The following FRMD8 variants were observed in gnomAD, a reference collection of about 807,000 sequenced individuals.
The protein encoded by FRMD8 is FERM domain-containing protein 8.
FRMD8 carries 37 observed loss-of-function variants against 54.2 expected under a neutral mutation model. The ratio of observed to expected loss-of-function variants is 0.68; its 90% CI spans 0.53 to 0.90. The LOEUF is 0.90. Ranked by LOEUF, FRMD8 falls within the 40% of genes least tolerant of loss-of-function variation. FRMD8 has a pLI of 0.00. For synonymous variants in FRMD8, 246 were observed against 286.9 expected (o/e 0.86, Z 1.44); for missense variants, 585 against 653.7 (o/e 0.89, Z 1.15).
chr11:65,379,432 G>A, the FRMD8 span: 1 of 1,613,392 alleles, frequency 6.2e-7, no homozygotes, highest in Non-Finnish European at 8.5e-7. Flanking sequence ...CTGGGCGGCT[G>A]GGCCCGCCGC....
chr11:65,401,824 C>CTTTT (rs61275056), intron 9 of FRMD8, among the ~76,000 whole-genome samples: 2 of 119,756 alleles, frequency 1.7e-5, no homozygotes, highest in Admixed American at 8.3e-5. Flanking sequence ...TCACAATTTT[C>CTTTT]TTTTTTTTTT....
chr11:65,393,346 C>T (rs1565599868), intron 3 of FRMD8, among the ~76,000 whole-genome samples: 1 of 152,242 alleles, frequency 6.6e-6, no homozygotes, highest in Non-Finnish European at 1.5e-5. Flanking sequence ...AGACCCCCGT[C>T]GCTTGCTGTG....
upstream of FRMD8, among the ~76,000 whole-genome samples, chr11:65,384,869 C>T (rs1445875740): frequency 1.3e-5 from 2 of 152,156 alleles, no homozygotes; most frequent in South Asian, 2.1e-4. Context: ...TGTGCCACCA[C>T]ACCTGGCTAA....
rs139960411 is a variant in FRMD8 at position 65,399,761 on chromosome 11, G to C, written c.829G>C (p.Asp277His). 176 of 1,614,090 alleles carry C rather than the reference G, an allele frequency of 1.1e-4. No homozygotes were observed. The African/African-American group carries it at 1.8e-3, about 17-fold the overall frequency. The change falls in exon 8 of 11, where the codon GAC becomes CAC. Residue 277 changes from aspartate (D) to histidine (H), a missense_variant. Asp to His is a moderately conservative substitution (Grantham distance 81, BLOSUM62 -1). Transcript: ENST00000317568. ...YGCAFFHGEV[D>H]KPAQGFLHRG... ...GTGTGCCTTCTTCCACGGTGAGGTT[G>C]ACAAGCCGGCCCAAGGCTTTTTGCA... is the stretch of plus-strand genomic sequence containing the variant.
upstream of FRMD8, among the ~76,000 whole-genome samples, chr11:65,385,814 T>C (rs1368849059): frequency 1.3e-5 from 2 of 151,038 alleles, no homozygotes; most frequent in Non-Finnish European, 2.9e-5. Context: ...TTTTTTTTTT[T>C]CAGACGGAGT....
chr11:65,368,422 G>T, the FRMD8 span, among the ~76,000 whole-genome samples: 1 of 151,852 alleles, frequency 6.6e-6, no homozygotes, highest in African/African-American at 2.4e-5. Flanking sequence ...TGTTTTCCAG[G>T]CTGGTCTCAA....
Position 65,411,525 on chromosome 11 carries a change from T to C in FRMD8, c.*165T>C, listed in dbSNP as rs577987983. On this transcript the variant is annotated 3_prime_UTR_variant, in exon 11 of 11. Transcript: ENST00000317568. ...GAAGTGACTTTTGGGCCCGGGGCCA[T>C]GCCCGGGCTGTGCAAAGCTGGCCAG... is the stretch of plus-strand genomic sequence containing the variant. 3 of 518,096 alleles carry C rather than the reference T, an allele frequency of 5.8e-6. No homozygotes were observed. Among genetic ancestry groups the C allele is most frequent in the African/African-American group, 3.9e-5 (2 of 51,062 alleles). The allele number at this position is 518,096 out of a possible 1,614,324, so 32.1% of individuals were successfully genotyped here.
rs373759021 is a variant in FRMD8, at chr11:65,405,111, C to T, written c.1276+43C>T. 2.1e-5 allele frequency: 33 copies of T among 1,568,872 alleles called. No homozygotes were observed. In the East Asian group the frequency reaches 2.5e-4, roughly 12 times the overall value. ...GCATGTGCACACACAAACACGCATG[C>T]GCGTGCACACACCGGGGGGAGTTCC... On this transcript the variant is annotated intron_variant, in intron 10 of 10. Coordinates refer to ENST00000317568, the MANE Select transcript of FRMD8 (RefSeq NM_031904.5).
chr11:65,380,694 C>T, the FRMD8 span: 1 of 917,132 alleles, frequency 1.1e-6, no homozygotes, highest in Non-Finnish European at 1.5e-6. Context: ...CACCTGCCCA[C>T]TGCCTAGCCC....
At position 65,404,949 on chromosome 11, in the gene FRMD8, G is replaced by A; in HGVS notation, c.1157G>A (p.Gly386Asp). ...EPAGPQDSAT[G>D]SPSDPSSSLA... ...GCAGGCCCCCAGGACAGTGCGACTGGCTCGCCCTCGGACCCCAGCTCCTCA... is the reference window on the plus strand; with the variant it reads ...GCAGGCCCCCAGGACAGTGCGACTGACTCGCCCTCGGACCCCAGCTCCTCA... Residue 386 changes from glycine (G) to aspartate (D), a missense_variant, in exon 10 of 11, where the codon GGC becomes GAC. Transcript: ENST00000317568. The surrounding 1 kb of genome is among the most constrained non-coding windows in gnomAD (Gnocchi z 4.7). 6.2e-7 allele frequency: 1 copy of A among 1,613,148 alleles called. No individual in the cohort carries two copies. The highest frequency in any genetic ancestry group is 8.5e-7 in the Non-Finnish European group (1 of 1,180,024).
At position 65,413,096 on chromosome 11, in the gene FRMD8, C is replaced by G. The variant is rs1395869516; in HGVS notation, c.*1736C>G. Reference sequence around the variant, plus strand: ...ACTGCAACCTCTGTCTCAAGCGATTCTCCTGCCTCAGCCTCCTGAGTAGCT... The same window carrying G: ...ACTGCAACCTCTGTCTCAAGCGATTGTCCTGCCTCAGCCTCCTGAGTAGCT... On this transcript the variant is annotated 3_prime_UTR_variant, in exon 11 of 11. Transcript: ENST00000317568. 1.3e-5 allele frequency: 2 copies of G among 152,260 alleles called. No homozygotes were observed. Among genetic ancestry groups the G allele is most frequent in the Non-Finnish European group, 2.9e-5 (2 of 68,100 alleles). The allele number at this position is 152,260 out of a possible 1,614,324, so 9.4% of individuals were successfully genotyped here.
chr11:65,392,403 G>T (rs187344534), intron 3 of FRMD8, among the ~76,000 whole-genome samples: 1 of 152,218 alleles, frequency 6.6e-6, no homozygotes, highest in Non-Finnish European at 1.5e-5. Context: ...ATCAGGCAGC[G>T]CTCGGGAAGC....
rs1424715896 is a variant in FRMD8, at chr11:65,412,851, T to C, written c.*1491T>C. 6.6e-6 allele frequency: 1 copy of C among 152,236 alleles called. No individual in the cohort carries two copies. Among genetic ancestry groups the C allele is most frequent in the Non-Finnish European group, 1.5e-5 (1 of 68,038 alleles). 9.4% of individuals were successfully genotyped at this position (152,236 alleles called of 1,614,324 possible). On this transcript the variant is annotated 3_prime_UTR_variant, in exon 11 of 11. Transcript: ENST00000317568. Reference sequence around the variant, plus strand: ...GGGAAGGGCCCCCAGTCTTTTGGAATGTCCTGGTCACAGGGTCATGTCAGC... The same window carrying C: ...GGGAAGGGCCCCCAGTCTTTTGGAACGTCCTGGTCACAGGGTCATGTCAGC...
chr11:65,376,727 CCCCAGA>C, the FRMD8 span: 1 of 1,613,768 alleles, frequency 6.2e-7, no homozygotes, highest in Non-Finnish European at 8.5e-7. Context: ...AGAGCATCCT[CCCCAGA>C]CCCTAGTTTC....
At chr11:65,401,228 T>A (rs1356188758) in intron 9 of FRMD8, among the ~76,000 whole-genome samples, 1 of 152,024 alleles carries the variant, frequency 6.6e-6, no homozygotes. Flanking sequence ...GTGGAAACGT[T>A]GGGCCTCTCC....
Position 65,394,555 on chromosome 11 carries a change from A to T in FRMD8, c.581+130A>T, listed in dbSNP as rs1855910571. 10 of 1,129,296 alleles carry T rather than the reference A, an allele frequency of 8.9e-6. No individual in the cohort carries two copies. The South Asian group carries it at 1.4e-4, about 15-fold the overall frequency. The allele number at this position is 1,129,296 out of a possible 1,614,324, so 70.0% of individuals were successfully genotyped here. Reference sequence around the variant, plus strand: ...TGGAGTCAGGAGGCCTCAGCCCCGCAGGCTCACTCTGGCCCTAGGCAGTTG... The same window carrying T: ...TGGAGTCAGGAGGCCTCAGCCCCGCTGGCTCACTCTGGCCCTAGGCAGTTG... On this transcript the variant is annotated intron_variant, in intron 6 of 10. Coordinates refer to ENST00000317568, the MANE Select transcript of FRMD8 (RefSeq NM_031904.5).
Position 65,394,257 on chromosome 11 carries a change from A to C in FRMD8, c.415-2A>C. 1 of 1,600,740 alleles carries C rather than the reference A, an allele frequency of 6.2e-7. No individual in the cohort carries two copies. Among genetic ancestry groups the C allele is most frequent in the Non-Finnish European group, 8.5e-7 (1 of 1,174,004 alleles). Reference sequence around the variant, plus strand: ...GGCTGTCCCTGCCACACCCCCCTGCAGATCCATGACGAGGAGGTCCTGCGG... The same window carrying C: ...GGCTGTCCCTGCCACACCCCCCTGCCGATCCATGACGAGGAGGTCCTGCGG... On this transcript the variant is annotated splice_acceptor_variant, in intron 5 of 10. Coordinates refer to ENST00000317568, the MANE Select transcript of FRMD8 (RefSeq NM_031904.5). LOFTEE classifies it high-confidence loss of function.
chr11:65,374,421 G>A, the FRMD8 span, among the ~76,000 whole-genome samples: 42 of 152,172 alleles, frequency 2.8e-4, no homozygotes, highest in South Asian at 8.1e-3. Context: ...TGATTTACCC[G>A]CGGTGTGACC....
chr11:65,400,671 G>A lies in FRMD8; in HGVS notation c.928-53G>A, dbSNP rs1856054997. 2 of 1,495,188 alleles carry A rather than the reference G, an allele frequency of 1.3e-6. No individual in the cohort carries two copies. Among genetic ancestry groups the A allele is most frequent in the Non-Finnish European group, 8.9e-7 (1 of 1,119,342 alleles). 92.6% of individuals were successfully genotyped at this position (1,495,188 alleles called of 1,614,324 possible). A position where few individuals can be genotyped will look rare whatever the true frequency, so the allele number is the denominator to read the frequency against. ...AGGTGTCTGAGTGGGATGGGGTGGG[G>A]AGCAGACCTCTGCCCAGGGGTCAAG... On this transcript the variant is annotated intron_variant, in intron 8 of 10. Transcript: ENST00000317568. The surrounding 1 kb of genome is among the most constrained non-coding windows in gnomAD (Gnocchi z 4.3).
Sources: gnomAD v4.1 joint callset for allele counts (sites outside exome capture counted in the v4.1 genomes callset) on GRCh38, gnomAD v4.1.1 for gene constraint, Gnocchi (gnomAD v3.1) non-coding constraint, MANE v1.5 for transcripts, NCBI Gene and HGNC (gene_info 2026-07-23, HGNC 2026-07-21) for gene names.